ERC2: variants seen among roughly 807,000 people sequenced by gnomAD.
ERC2 encodes the protein ERC protein 2.
In ERC2, 42 loss-of-function variants were observed where a neutral mutation model predicts 114.8. The ratio of observed to expected loss-of-function variants is 0.37; its 90% CI spans 0.29 to 0.47. The LOEUF (loss-of-function observed/expected upper bound fraction) is 0.47, where lower values mean the gene tolerates loss of function less well. Ranked by LOEUF, ERC2 falls within the 20% of genes least tolerant of loss-of-function variation. The pLI is 0.99. For missense variants in ERC2, 939 were observed against 1,150.7 expected (o/e 0.82, Z 2.66); for synonymous variants, 454 against 425.5 (o/e 1.07, Z -0.82).
intron 17 of ERC2, among the ~76,000 whole-genome samples, chr3:55,670,501 TG>T (rs2061516370): frequency 6.6e-6 from 1 of 152,266 alleles, no homozygotes; most frequent in African/African-American, 2.4e-5. Context: ...AGGGTCACCA[TG>T]GGGAATGCAA....
intron 6 of ERC2, among the ~76,000 whole-genome samples, chr3:56,085,629 A>G (rs1192322798): frequency 1.3e-5 from 2 of 152,168 alleles, no homozygotes; most frequent in African/African-American, 4.8e-5. Context: ...AGTTACCTTC[A>G]TCTACCAGCC....
chr3:55,926,393 C>G (rs1165009258), intron 13 of ERC2, among the ~76,000 whole-genome samples: 1 of 125,310 alleles, frequency 8.0e-6, no homozygotes, highest in Non-Finnish European at 1.6e-5. Context: ...CCTAACAGAG[C>G]TTGTTTTTTG....
intron 14 of ERC2, among the ~76,000 whole-genome samples, chr3:55,854,361 GTTGTTTTGTT>G (rs569569213): frequency 2.0e-5 from 3 of 152,118 alleles, no homozygotes; most frequent in East Asian, 1.9e-4. Flanking sequence ...TGCTTTTGTA[GTTGTTTTGTT>G]TTGTTTTGTT....
chr3:56,216,760 A>G lies in ERC2; in HGVS notation c.1075-43240T>C, dbSNP rs534349904. Among the ~76,000 whole-genome samples the G allele has an allele frequency of 1.1e-4, 17 of 152,294 alleles. No homozygotes were observed. In the East Asian group the frequency reaches 3.3e-3, roughly 29 times the overall value. The stretch of plus-strand genomic sequence containing the variant: ...ATCCTCAGTAAAATACTGGCAAACC[A>G]AATCCAGCAGCACATCAAAAAGCTT... On this transcript the variant is annotated intron_variant, in intron 3 of 17. Transcript: ENST00000288221.
At chr3:55,728,307 A>C (rs1249528301) in intron 15 of ERC2, among the ~76,000 whole-genome samples, 1 of 152,074 alleles carries the variant, frequency 6.6e-6, no homozygotes, top group Non-Finnish European at 1.5e-5. Flanking sequence ...TCACAAAACA[A>C]ATGGAAAATT....
At chr3:56,149,199 AG>A in intron 4 of ERC2, 67 bp from the exon 5 acceptor site, 1 of 1,440,144 alleles carries the variant, frequency 6.9e-7, no homozygotes, top group South Asian at 1.4e-5. Context: ...TCATCAAAAC[AG>A]AATTTAAGAA....
At chr3:55,681,119 T>G (rs559032693) in intron 17 of ERC2, among the ~76,000 whole-genome samples, 1 of 152,094 alleles carries the variant, frequency 6.6e-6, no homozygotes, top group Non-Finnish European at 1.5e-5. Flanking sequence ...AAGTAAACTT[T>G]CCCCGGTCCA....
chr3:56,176,255 A>G (rs1325661680), intron 3 of ERC2, among the ~76,000 whole-genome samples: 1 of 152,224 alleles, frequency 6.6e-6, no homozygotes, highest in Non-Finnish European at 1.5e-5. Context: ...GTTCCAGAAT[A>G]AAAATTATAA....
intron 16 of ERC2, among the ~76,000 whole-genome samples, chr3:55,697,673 A>G (rs561714111): frequency 6.6e-6 from 1 of 152,106 alleles, no homozygotes; most frequent in Non-Finnish European, 1.5e-5. Context: ...CTGGTTTGTT[A>G]TCTCAGCAGG....
intron 15 of ERC2, among the ~76,000 whole-genome samples, chr3:55,721,251 T>C (rs2064530383): frequency 6.6e-6 from 1 of 152,230 alleles, no homozygotes; most frequent in African/African-American, 2.4e-5. Context: ...GGCATAATGA[T>C]GGTACTGCCT....
intron 17 of ERC2, among the ~76,000 whole-genome samples, chr3:55,534,690 A>G (rs1305170076): frequency 6.6e-6 from 1 of 152,114 alleles, no homozygotes; most frequent in Non-Finnish European, 1.5e-5. Flanking sequence ...ACCTCGTGTC[A>G]AAAAAAGAGA....
At chr3:56,196,159 G>T (rs2048088770) in intron 3 of ERC2, among the ~76,000 whole-genome samples, 1 of 152,126 alleles carries the variant, frequency 6.6e-6, no homozygotes, top group African/African-American at 2.4e-5. Context: ...CCCTTGGCAA[G>T]CTGCTACACC....
At chr3:55,822,311 A>G (rs554797708) in intron 14 of ERC2, among the ~76,000 whole-genome samples, 1 of 152,346 alleles carries the variant, frequency 6.6e-6, no homozygotes, top group African/African-American at 2.4e-5. Flanking sequence ...TATTCTAAAA[A>G]GACTTAAAAT....
Position 56,296,096 on chromosome 3 carries a change from C to T in ERC2, c.997G>A (p.Ala333Thr), listed in dbSNP as rs992462048. 25 of 1,613,474 alleles carry T rather than the reference C, an allele frequency of 1.5e-5. No individual in the cohort carries two copies. Among genetic ancestry groups the T allele is most frequent in the Non-Finnish European group, 2.0e-5 (24 of 1,179,590 alleles). ...TGGCTGACCTGAGACTCAGCCTCTG[C>T]CATCCGCCGCGTTCGCTCATTGTCA... Reference protein sequence around the residue: ...EDDNERTRRMAEAESQVSHLE... With the variant: ...EDDNERTRRMTEAESQVSHLE... Residue 333 changes from alanine to threonine, a missense_variant, in exon 3 of 18, where the codon GCA becomes ACA. Transcript: ENST00000288221.
chr3:56,002,848 T>A (rs942781813), intron 10 of ERC2, among the ~76,000 whole-genome samples: 9 of 152,168 alleles, frequency 5.9e-5, no homozygotes, highest in African/African-American at 2.2e-4. Context: ...TGTTTTTCTA[T>A]AGTCTTTGGG....
At chr3:55,934,271 C>T (rs529464690) in intron 13 of ERC2, among the ~76,000 whole-genome samples, 1 of 152,282 alleles carries the variant, frequency 6.6e-6, no homozygotes, top group South Asian at 2.1e-4. Flanking sequence ...ATCTTCAATA[C>T]AGTTTAACCC....
At chr3:55,577,007 C>T (rs901896522) in intron 17 of ERC2, among the ~76,000 whole-genome samples, 9 of 152,184 alleles carry the variant, frequency 5.9e-5, no homozygotes, top group Non-Finnish European at 1.0e-4. Context: ...CAAGCTAAGA[C>T]GTCTGGCTTG....
chr3:55,748,635 C>T (rs2066462008), intron 14 of ERC2, among the ~76,000 whole-genome samples: 1 of 152,152 alleles, frequency 6.6e-6, no homozygotes, highest in Admixed American at 6.5e-5. Flanking sequence ...TCCTGTTTCC[C>T]AATTCAAATG....
intron 3 of ERC2, among the ~76,000 whole-genome samples, chr3:56,264,536 G>A (rs2053160169): frequency 6.6e-6 from 1 of 151,316 alleles, no homozygotes; most frequent in African/African-American, 2.4e-5. Flanking sequence ...GGCAGAGGTT[G>A]CAGTGAGTCA....
Sources: allele counts gnomAD v4.1 joint callset (sites outside exome capture counted in the v4.1 genomes callset), GRCh38; gene constraint gnomAD v4.1.1; transcripts MANE v1.5; gene names NCBI Gene and HGNC (gene_info 2026-07-23, HGNC 2026-07-21).